Variants in OPCML observed in about 807,000 individuals in gnomAD.
The protein encoded by OPCML is opioid binding protein/cell adhesion molecule like.
Under a neutral mutation model 37.8 loss-of-function variants are expected in OPCML, and 13 were observed. The ratio of observed to expected loss-of-function variants is 0.34; its 90% confidence interval spans 0.22 to 0.55. The LOEUF (loss-of-function observed/expected upper bound fraction) is 0.55, where lower values mean the gene tolerates loss of function less well. Ranked by LOEUF, OPCML falls within the 20% of genes least tolerant of loss-of-function variation. OPCML has a pLI of 0.91. For synonymous variants in OPCML, 176 were observed against 168.8 expected (o/e 1.04, Z -0.33); for missense variants, 341 against 435.6 (o/e 0.78, Z 1.93).
intron 4 of OPCML, among the ~76,000 whole-genome samples, chr11:132,473,006 C>T (rs749576): frequency 0.018 from 2,802 of 152,284 alleles, 69 homozygotes; most frequent in African/African-American, 0.063. Context: ...TGCAAACTAG[C>T]GAGCCAGCTC....
At chr11:132,738,575 C>T (rs1206073060) in intron 2 of OPCML, among the ~76,000 whole-genome samples, 3 of 152,166 alleles carry the variant, frequency 2.0e-5, no homozygotes, top group Non-Finnish European at 4.4e-5. Flanking sequence ...AGCTTGTCCT[C>T]CACAAGCCTG....
At chr11:133,209,106 G>T (rs1226914855) in intron 1 of OPCML, among the ~76,000 whole-genome samples, 1 of 152,104 alleles carries the variant, frequency 6.6e-6, no homozygotes, top group Non-Finnish European at 1.5e-5. Context: ...AAAGCATTCT[G>T]CCATGTGCCA....
intron 4 of OPCML, among the ~76,000 whole-genome samples, chr11:132,519,783 C>T (rs2096288282): frequency 6.6e-6 from 1 of 152,142 alleles, no homozygotes; most frequent in African/African-American, 2.4e-5. Flanking sequence ...CTTTCTCACA[C>T]TCCAGGGATT....
intron 1 of OPCML, among the ~76,000 whole-genome samples, chr11:133,160,906 TG>T (rs1173751379): frequency 6.6e-6 from 1 of 152,198 alleles, no homozygotes; most frequent in Non-Finnish European, 1.5e-5. Context: ...GAGCACCACG[TG>T]GCTGCTTACT....
intron 1 of OPCML, among the ~76,000 whole-genome samples, chr11:133,049,675 G>A (rs1226905221): frequency 6.6e-6 from 1 of 152,182 alleles, no homozygotes; most frequent in African/African-American, 2.4e-5. Context: ...ATAAATATGG[G>A]CAGTCTTATA....
chr11:133,525,248 T>C (rs1439761417), intron 1 of OPCML, among the ~76,000 whole-genome samples: 2 of 152,190 alleles, frequency 1.3e-5, no homozygotes, highest in Non-Finnish European at 2.9e-5. Flanking sequence ...AGCTGAGTTC[T>C]GAAGGATGGA....
intron 2 of OPCML, among the ~76,000 whole-genome samples, chr11:132,663,704 A>C (rs1942084134): frequency 6.6e-6 from 1 of 152,236 alleles, no homozygotes; most frequent in Non-Finnish European, 1.5e-5. Flanking sequence ...CGCTAGAATG[A>C]GCCACTGTGG....
chr11:132,654,216 T>C (rs1486687904), intron 3 of OPCML, among the ~76,000 whole-genome samples: 1 of 152,210 alleles, frequency 6.6e-6, no homozygotes, highest in Non-Finnish European at 1.5e-5. Flanking sequence ...AGCAAGTCAC[T>C]GGATCACTAA....
At chr11:132,951,438 A>G (rs1488484308) in intron 1 of OPCML, among the ~76,000 whole-genome samples, 3 of 152,170 alleles carry the variant, frequency 2.0e-5, no homozygotes, top group Admixed American at 6.5e-5. Context: ...ATTCTAAGGG[A>G]TTAGGGCCCC....
chr11:132,744,215 T>C (rs1945535340), intron 2 of OPCML, among the ~76,000 whole-genome samples: 1 of 152,242 alleles, frequency 6.6e-6, no homozygotes, highest in Non-Finnish European at 1.5e-5. Context: ...GGCAAGCCAC[T>C]GAACCACTCT....
intron 1 of OPCML, among the ~76,000 whole-genome samples, chr11:133,110,838 T>C (rs1167813038): frequency 6.6e-6 from 1 of 152,100 alleles, no homozygotes; most frequent in Non-Finnish European, 1.5e-5. Flanking sequence ...CATGACTAAG[T>C]AGAGAAGCAC....
At chr11:132,564,356 A>G (rs1025701346) in intron 3 of OPCML, among the ~76,000 whole-genome samples, 7 of 152,210 alleles carry the variant, frequency 4.6e-5, no homozygotes, top group African/African-American at 1.7e-4. Flanking sequence ...GCTTCCTTCC[A>G]CAACAGCACA....
intron 1 of OPCML, among the ~76,000 whole-genome samples, chr11:133,499,900 C>T (rs1169790592): frequency 1.5e-5 from 2 of 136,750 alleles, no homozygotes; most frequent in Non-Finnish European, 1.5e-5. Context: ...GAAAGGGAGT[C>T]TCACTCTGTT....
At chr11:133,197,709 A>G (rs1938589975) in intron 1 of OPCML, among the ~76,000 whole-genome samples, 1 of 152,234 alleles carries the variant, frequency 6.6e-6, no homozygotes, top group African/African-American at 2.4e-5. Context: ...CTGGTATTGA[A>G]CTAGCAAGAG....
intron 2 of OPCML, among the ~76,000 whole-genome samples, chr11:132,800,725 G>A (rs1162482430): frequency 2.0e-5 from 3 of 152,038 alleles, no homozygotes; most frequent in East Asian, 1.9e-4. Flanking sequence ...ATTTTAAGAC[G>A]TTTACCTTTC....
intron 1 of OPCML, among the ~76,000 whole-genome samples, chr11:133,107,844 T>G (rs1841409060): frequency 6.6e-6 from 1 of 152,204 alleles, no homozygotes; most frequent in African/African-American, 2.4e-5. Context: ...CTACTTGTCT[T>G]AATTTATTTT....
At chr11:132,892,839 A>C (rs1943704516) in intron 2 of OPCML, among the ~76,000 whole-genome samples, 1 of 152,218 alleles carries the variant, frequency 6.6e-6, no homozygotes. Flanking sequence ...AGTAGAATAT[A>C]ACAAAGAGCA....
chr11:132,984,508 A>G (rs1397134417), intron 1 of OPCML, among the ~76,000 whole-genome samples: 1 of 152,162 alleles, frequency 6.6e-6, no homozygotes, highest in Non-Finnish European at 1.5e-5. Context: ...GATATTGTTA[A>G]TCATTATTTT....
At chr11:132,704,737 CTG>C (rs1417206801) in intron 2 of OPCML, among the ~76,000 whole-genome samples, 1 of 152,146 alleles carries the variant, frequency 6.6e-6, no homozygotes, top group East Asian at 1.9e-4. Context: ...GATGGTAAGA[CTG>C]TTTTTAATTC....
Sources: gnomAD v4.1 joint callset for allele counts (sites outside exome capture counted in the v4.1 genomes callset) on GRCh38, gnomAD v4.1.1 for gene constraint, MANE v1.5 for transcripts, NCBI Gene and HGNC (gene_info 2026-07-23, HGNC 2026-07-21) for gene names.